Variants in ERGIC1 observed in about 807,000 individuals in gnomAD.
ERGIC1 encodes endoplasmic reticulum-golgi intermediate compartment 1.
A neutral mutation model predicts 38.3 loss-of-function variants in ERGIC1; 19 were observed. That is an observed-to-expected ratio of 0.50 (90% CI 0.35 to 0.73). The LOEUF (loss-of-function observed/expected upper bound fraction) is 0.73, where lower values mean the gene tolerates loss of function less well. Ranked by LOEUF, ERGIC1 falls within the 30% of genes least tolerant of loss-of-function variation. The probability of loss-of-function intolerance (pLI) is 0.01; values close to 1 mark genes in which losing one functional copy is unlikely to be tolerated. For synonymous variants in ERGIC1, 124 were observed against 157.6 expected (o/e 0.79, Z 1.60); for missense variants, 294 against 389.2 (o/e 0.76, Z 2.06).
chr5:172,892,082 T>TG (rs1762580957), intron 2 of ERGIC1, among the ~76,000 whole-genome samples: 2 of 148,944 alleles, frequency 1.3e-5, no homozygotes, highest in African/African-American at 5.1e-5. Context: ...TTTTTTTTTT[T>TG]TTTTGAAACT....
At chr5:172,888,625 C>T (rs1212816500) in intron 1 of ERGIC1, 74 bp from the exon 2 acceptor site, 2 of 1,184,182 alleles carry the variant, frequency 1.7e-6, no homozygotes, top group East Asian at 4.7e-5. Flanking sequence ...GTCACACAAG[C>T]CAGCACCACT....
chr5:172,878,718 C>T (rs1041802049), intron 1 of ERGIC1, among the ~76,000 whole-genome samples: 6 of 152,008 alleles, frequency 3.9e-5, no homozygotes, highest in Non-Finnish European at 4.4e-5. Context: ...TTGAGGGGGG[C>T]GATGAGAATG....
rs78880967 is a variant in ERGIC1, at chr5:172,886,549, G to T, written c.21-2150G>T. Among the ~76,000 whole-genome samples, 1,150 of 152,268 alleles carry T rather than the reference G, an allele frequency of 7.6e-3. 17 individuals are homozygous for T. Among genetic ancestry groups the T allele is most frequent in the African/African-American group, 0.026 (1,091 of 41,536 alleles). ...TTGATTTTTATCTCCTTGCCTAAGG[G>T]CCTAAAAGAGGGGGTGTGTTAGTAG... On this transcript the variant is annotated intron_variant, in intron 1 of 9. Coordinates refer to ENST00000393784, the MANE Select transcript of ERGIC1 (RefSeq NM_001031711.3).
chr5:172,842,868 G>T (rs7722970), intron 1 of ERGIC1, among the ~76,000 whole-genome samples: 41,384 of 152,142 alleles, frequency 0.27, 5,842 homozygotes, highest in East Asian at 0.33. Flanking sequence ...TTTTGGCCAG[G>T]CATGGTGACT....
Position 172,855,489 on chromosome 5 carries a change from A to T in ERGIC1, c.20+21056A>T, listed in dbSNP as rs147383166. 2.6e-5 allele frequency among the ~76,000 whole-genome samples: 4 copies of T among 152,342 alleles called. No homozygotes were observed. In the East Asian group the frequency reaches 7.7e-4, roughly 29 times the overall value. ...CTGGAGTACCTGGCTGACCCCACAG[A>T]CATGGTCCCCACTGTCATGGGGCTT... is the stretch of plus-strand genomic sequence containing the variant. On this transcript the variant is annotated intron_variant, in intron 1 of 9. Transcript: ENST00000393784.
chr5:172,888,520 T>G (rs886683664), intron 1 of ERGIC1, among the ~76,000 whole-genome samples, 179 bp from the exon 2 acceptor site: 3 of 151,566 alleles, frequency 2.0e-5, no homozygotes, highest in African/African-American at 7.3e-5. Context: ...AAGGGTGTTG[T>G]GGGGAGCAGG....
intron 1 of ERGIC1, among the ~76,000 whole-genome samples, chr5:172,850,614 C>T (rs2113031389): frequency 6.6e-6 from 1 of 152,276 alleles, no homozygotes; most frequent in South Asian, 2.1e-4. Context: ...CTCACTTCAC[C>T]TCTCTGAGTC....
In ERGIC1 at chr5:172,899,598, C is replaced by T. The variant is rs575790040; in HGVS notation, c.155+2524C>T. Among the ~76,000 whole-genome samples, 8 of 152,130 alleles carry T rather than the reference C, an allele frequency of 5.3e-5. No homozygotes were observed. The South Asian group carries it at 1.0e-3, about 20-fold the overall frequency. ...TGTAATCCCAGGCTGGGATTACAGG[C>T]GTGAGCCACTGCGCCTAGCCTGGGA... On this transcript the variant is annotated intron_variant, in intron 3 of 9. Coordinates refer to ENST00000393784, the MANE Select transcript of ERGIC1 (RefSeq NM_001031711.3).
At chr5:172,918,690 C>T (rs1763435747) in intron 5 of ERGIC1, among the ~76,000 whole-genome samples, 1 of 152,210 alleles carries the variant, frequency 6.6e-6, no homozygotes, top group Non-Finnish European at 1.5e-5. Context: ...GCTGCAGGAG[C>T]CACGTCCTTA....
At chr5:172,909,573 G>C in intron 3 of ERGIC1, 94 bp from the exon 4 acceptor site, 2 of 1,149,828 alleles carry the variant, frequency 1.7e-6, no homozygotes, top group Admixed American at 3.4e-5. Context: ...TATCTAAGTT[G>C]TGGTCACCAA....
intron 1 of ERGIC1, among the ~76,000 whole-genome samples, chr5:172,857,095 G>A (rs533821205): frequency 3.9e-5 from 6 of 152,282 alleles, no homozygotes; most frequent in Admixed American, 2.6e-4. Flanking sequence ...CATGATGTAC[G>A]CTGAAGTTCA....
intron 4 of ERGIC1, among the ~76,000 whole-genome samples, chr5:172,910,119 A>C (rs932249929): frequency 2.0e-5 from 3 of 152,202 alleles, no homozygotes; most frequent in African/African-American, 4.8e-5. Context: ...CGACAGGATA[A>C]GCAAAGATGT....
In ERGIC1 at chr5:172,934,470, C is replaced by G. The variant is rs190015666; in HGVS notation, c.643-718C>G. 4 of 152,940 alleles carry G rather than the reference C, an allele frequency of 2.6e-5. No individual in the cohort carries two copies. In the East Asian group the frequency reaches 5.8e-4, roughly 22 times the overall value. The allele number at this position is 152,940 out of a possible 1,614,324, so 9.5% of individuals were successfully genotyped here. A position where few individuals can be genotyped will look rare whatever the true frequency, so the allele number is the denominator to read the frequency against. On this transcript the variant is annotated intron_variant, in intron 8 of 9. Transcript: ENST00000393784. ...CAGGAAGGTTGGTGGCAGGGCGGGG[C>G]CTTCTGGCTTTGCAGTTCAGTCTAT...
chr5:172,847,133 A>G (rs978112621), intron 1 of ERGIC1, among the ~76,000 whole-genome samples: 1 of 152,146 alleles, frequency 6.6e-6, no homozygotes, highest in Admixed American at 6.5e-5. Context: ...CTGGGTACTC[A>G]GAGGCCTTGA....
intron 1 of ERGIC1, among the ~76,000 whole-genome samples, chr5:172,878,674 C>T (rs1421778406): frequency 1.3e-5 from 2 of 152,074 alleles, no homozygotes; most frequent in African/African-American, 2.4e-5. Flanking sequence ...GTGGTATGAA[C>T]TCATCTTAGT....
chr5:172,868,006 G>A (rs1172905356), intron 1 of ERGIC1, among the ~76,000 whole-genome samples: 1 of 152,172 alleles, frequency 6.6e-6, no homozygotes, highest in South Asian at 2.1e-4. Flanking sequence ...CCGAAAGCTG[G>A]GTTGTCTCTA....
intron 1 of ERGIC1, among the ~76,000 whole-genome samples, chr5:172,859,824 T>C (rs545980935): frequency 6.6e-6 from 1 of 152,326 alleles, no homozygotes; most frequent in East Asian, 1.9e-4. Context: ...GCTTCAGGAT[T>C]TGGAAGCCCG....
At chr5:172,900,178 A>C (rs1041580044) in intron 3 of ERGIC1, among the ~76,000 whole-genome samples, 14 of 152,238 alleles carry the variant, frequency 9.2e-5, no homozygotes, top group Non-Finnish European at 1.3e-4. Context: ...TTGAGGCTCG[A>C]GCAGGTGGGG....
At chr5:172,871,309 A>G (rs1762001575) in intron 1 of ERGIC1, among the ~76,000 whole-genome samples, 1 of 152,152 alleles carries the variant, frequency 6.6e-6, no homozygotes, top group Non-Finnish European at 1.5e-5. Context: ...GGAACCTGCC[A>G]GATACGCTCC....
Sources: allele counts gnomAD v4.1 joint callset (sites outside exome capture counted in the v4.1 genomes callset), GRCh38; gene constraint gnomAD v4.1.1; transcripts MANE v1.5; gene names NCBI Gene and HGNC (gene_info 2026-07-23, HGNC 2026-07-21).